The following TATDN2 variants were observed in gnomAD, a reference collection of about 807,000 sequenced individuals.
TATDN2 encodes 3'-5' RNA nuclease TATDN2.
A neutral mutation model predicts 60.3 loss-of-function variants in TATDN2; 44 were observed. The ratio of observed to expected loss-of-function variants is 0.73; its 90% CI spans 0.57 to 0.94. TATDN2 has a LOEUF of 0.94. Among genes scored for constraint, TATDN2 ranks in the 40% least tolerant of loss-of-function variants. The pLI is 0.00. For synonymous variants in TATDN2, 399 were observed against 355.8 expected (o/e 1.12, Z -1.37); for missense variants, 997 against 948.0 (o/e 1.05, Z -0.68).
intron 2 of TATDN2, among the ~76,000 whole-genome samples, chr3:10,258,134 G>T (rs919671073): frequency 6.6e-6 from 1 of 151,586 alleles, no homozygotes; most frequent in Non-Finnish European, 1.5e-5. Context: ...ATTAGCCACC[G>T]CGCCCAGCTA....
At chr3:10,259,858 G>A (rs375136907) in intron 2 of TATDN2, among the ~76,000 whole-genome samples, 13 of 152,320 alleles carry the variant, frequency 8.5e-5, no homozygotes, top group Admixed American at 2.6e-4. Context: ...CCTTCCAGGA[G>A]CTTGCAGTCT....
rs559746609 is a variant in TATDN2, at chr3:10,254,586, G to A, written c.414+4972G>A. Among the ~76,000 whole-genome samples, 17 of 152,328 alleles carry A rather than the reference G, an allele frequency of 1.1e-4. No homozygotes were observed. The East Asian group carries it at 2.5e-3, about 23-fold the overall frequency. On this transcript the variant is annotated intron_variant, in intron 2 of 7. Coordinates refer to ENST00000448281, the MANE Select transcript of TATDN2 (RefSeq NM_014760.4). ...GGATTATTCTGTAGGCAAATGTGGA[G>A]CCCTGGAAGGGTTCTAAACTAAGGC...
chr3:10,250,792 C>A (rs1451087100), intron 2 of TATDN2, among the ~76,000 whole-genome samples: 2 of 152,182 alleles, frequency 1.3e-5, no homozygotes, highest in Admixed American at 1.3e-4. Flanking sequence ...TGTCTCAAAT[C>A]AGGTAAGTAT....
At chr3:10,272,984 C>A (rs189229536) in intron 4 of TATDN2, among the ~76,000 whole-genome samples, 2 of 151,716 alleles carry the variant, frequency 1.3e-5, no homozygotes, top group African/African-American at 4.8e-5. Context: ...GCTGCAGTGA[C>A]CCATGATTAT....
Position 10,278,213 on chromosome 3 carries a change from T to TG in TATDN2, c.1962-60dup, listed in dbSNP as rs1055468648. 1.2e-5 allele frequency: 19 copies of TG among 1,530,578 alleles called. No homozygotes were observed. Among genetic ancestry groups the TG allele is most frequent in the African/African-American group, 1.2e-4 (9 of 73,186 alleles). The allele number at this position is 1,530,578 out of a possible 1,614,324, so 94.8% of individuals were successfully genotyped here. A position where few individuals can be genotyped will look rare whatever the true frequency, so the allele number is the denominator to read the frequency against. On this transcript the variant is annotated intron_variant, in intron 5 of 7. Transcript: ENST00000448281. This position sits in a 1 kb window ranked among gnomAD's most constrained non-coding sequence, Gnocchi z 4.7. ...AATCATTGAAAAGGGGTGATGGGTGTGGGGGGAGCTGGGGGCTGCTGCAGA... is the reference window on the plus strand; with the variant it reads ...AATCATTGAAAAGGGGTGATGGGTGTGGGGGGGAGCTGGGGGCTGCTGCAGA...
chr3:10,278,139 G>C lies in TATDN2; in HGVS notation c.1962-140G>C. On this transcript the variant is annotated intron_variant, in intron 5 of 7. Transcript: ENST00000448281. This position sits in a 1 kb window ranked among gnomAD's most constrained non-coding sequence, Gnocchi z 4.7. ...CCTGTGTTGGAGCCAGCCCTTGTCT[G>C]TGTTTACTGTGGAGTCCTTCCCTAG... 1.0e-6 allele frequency: 1 copy of C among 989,336 alleles called. No homozygotes were observed. Among genetic ancestry groups the C allele is most frequent in the Admixed American group, 2.3e-5 (1 of 42,666 alleles). The allele number at this position is 989,336 out of a possible 1,614,324, so 61.3% of individuals were successfully genotyped here. A position where few individuals can be genotyped will look rare whatever the true frequency, so the allele number is the denominator to read the frequency against.
intron 4 of TATDN2, among the ~76,000 whole-genome samples, chr3:10,272,912 G>A (rs1300695530): frequency 6.6e-6 from 1 of 151,694 alleles, no homozygotes; most frequent in East Asian, 1.9e-4. Context: ...GATGGTACAT[G>A]CCTGGGGTCC....
chr3:10,260,762 A>G, intron 3 of TATDN2, 92 bp downstream of exon 3: 1 of 1,436,182 alleles, frequency 7.0e-7, no homozygotes. Flanking sequence ...GTTACTAATT[A>G]AAAATAGTAC....
At chr3:10,271,790 GGCCTCCACCTCC>G (rs1559463890) in intron 4 of TATDN2, among the ~76,000 whole-genome samples, 1 of 148,928 alleles carries the variant, frequency 6.7e-6, no homozygotes, top group Non-Finnish European at 1.5e-5. Flanking sequence ...GGCTCACTGC[GGCCTCCACCTCC>G]GCCTCCGCCT....
At chr3:10,273,423 G>A in intron 4 of TATDN2, among the ~76,000 whole-genome samples, 1 of 152,172 alleles carries the variant, frequency 6.6e-6, no homozygotes, top group East Asian at 1.9e-4. Context: ...AGTTCTGGAT[G>A]TGTCCTGCTG....
chr3:10,276,059 G>A (rs1011167804), intron 4 of TATDN2, among the ~76,000 whole-genome samples: 1 of 152,198 alleles, frequency 6.6e-6, no homozygotes, highest in Non-Finnish European at 1.5e-5. Context: ...GAATGCCAGG[G>A]TTCAAGTTTG....
At position 10,260,644 on chromosome 3, in the gene TATDN2, T is replaced by G. The variant is rs1698388313; in HGVS notation, c.922T>G (p.Ser308Ala). Residue 308 changes from serine (S) to alanine (A), a missense_variant, in exon 3 of 8, where the codon TCT (serine) becomes GCT (alanine). By Grantham distance (99) the Ser-to-Ala change is moderately conservative. Transcript: ENST00000448281. The stretch of plus-strand genomic sequence containing the variant: ...TCCACCCCTAGAGTTCTTGGATGAC[T>G]CTGACTCTCATTTAGAAATCCAAAA... ...CSPPLEFLDDSDSHLEIQKHK... is the reference protein window; with the variant it reads ...CSPPLEFLDDADSHLEIQKHK... 6.2e-7 allele frequency: 1 copy of G among 1,613,486 alleles called. No homozygotes were observed. The highest frequency in any genetic ancestry group is 2.2e-5 in the East Asian group (1 of 44,876).
At chr3:10,277,509 G>A (rs530855870) in intron 5 of TATDN2, among the ~76,000 whole-genome samples, 1 of 152,266 alleles carries the variant, frequency 6.6e-6, no homozygotes, top group African/African-American at 2.4e-5. Context: ...GGTTGAGAGG[G>A]GTTGGCTGAA....
At chr3:10,258,002 A>C (rs1219726744) in intron 2 of TATDN2, among the ~76,000 whole-genome samples, 2 of 150,288 alleles carry the variant, frequency 1.3e-5, no homozygotes, top group East Asian at 3.9e-4. Context: ...CTGGGACTAC[A>C]GGCGCCCGCC....
chr3:10,276,377 T>C lies in TATDN2; in HGVS notation c.1850T>C (p.Leu617Pro). 1.2e-6 allele frequency: 2 copies of C among 1,613,966 alleles called. No homozygotes were observed. The highest frequency in any genetic ancestry group is 1.7e-6 in the Non-Finnish European group (2 of 1,179,940). Reference protein sequence around the residue: ...PEQHKVFERQLQLAVSLKKPL... With the variant: ...PEQHKVFERQPQLAVSLKKPL... The stretch of plus-strand genomic sequence containing the variant: ...CTCTCCTAGGTATTTGAGAGACAGC[T>C]GCAGCTGGCTGTGTCTCTAAAGAAG... The change falls in exon 5 of 8, where the codon CTG becomes CCG. Residue 617 changes from leucine to proline, a missense_variant. Leu to Pro is a moderately conservative substitution (Grantham distance 98). Transcript: ENST00000448281.
intron 3 of TATDN2, among the ~76,000 whole-genome samples, chr3:10,261,082 G>T (rs1698395163): frequency 6.6e-6 from 1 of 152,188 alleles, no homozygotes; most frequent in Admixed American, 6.5e-5. Flanking sequence ...TAGGACTCAG[G>T]GTTTGTTATC....
intron 3 of TATDN2, among the ~76,000 whole-genome samples, chr3:10,262,243 C>A (rs954427395): frequency 1.3e-5 from 2 of 152,224 alleles, no homozygotes; most frequent in Non-Finnish European, 2.9e-5. Context: ...GCAGCTGTCT[C>A]TCTGGAGCCT....
chr3:10,255,880 T>A (rs995860546), intron 2 of TATDN2, among the ~76,000 whole-genome samples: 3 of 152,202 alleles, frequency 2.0e-5, no homozygotes, highest in African/African-American at 7.2e-5. Context: ...AGGCGGAGGT[T>A]GTAAGTGAGC....
At position 10,249,511 on chromosome 3, in the gene TATDN2, G is replaced by A. The variant is rs1042399978; in HGVS notation, c.311G>A (p.Arg104Gln). 6.2e-7 allele frequency: 1 copy of A among 1,609,100 alleles called. No individual in the cohort carries two copies. Among genetic ancestry groups the A allele is most frequent in the Non-Finnish European group, 8.5e-7 (1 of 1,177,650 alleles). The change falls in exon 2 of 8, where the codon CGG becomes CAG. Residue 104 changes from arginine to glutamine, a missense_variant. Arg to Gln is a conservative substitution (Grantham distance 43). Coordinates refer to ENST00000448281, the MANE Select transcript of TATDN2 (RefSeq NM_014760.4). ...GGAASKGCLI[R>Q]NTRGFLSSGG... ...GCCGCCTCCAAAGGCTGCCTGATTC[G>A]GAACACTCGGGGGTTCCTGTCTTCA... is the stretch of plus-strand genomic sequence containing the variant.
Sources: allele counts gnomAD v4.1 joint callset (sites outside exome capture counted in the v4.1 genomes callset), GRCh38; gene constraint gnomAD v4.1.1; non-coding constraint Gnocchi (gnomAD v3.1); transcripts MANE v1.5; gene names NCBI Gene and HGNC (gene_info 2026-07-23, HGNC 2026-07-21).